PCDH15: variants seen among roughly 807,000 people sequenced by gnomAD.
PCDH15 encodes protocadherin related 15.
Under a neutral mutation model 178.5 loss-of-function variants are expected in PCDH15, and 129 were observed. The ratio of observed to expected loss-of-function variants is 0.72; its 90% CI spans 0.63 to 0.84. The LOEUF (loss-of-function observed/expected upper bound fraction) is 0.84, where lower values mean the gene tolerates loss of function less well. Among genes scored for constraint, PCDH15 ranks in the 40% least tolerant of loss-of-function variants. The probability of loss-of-function intolerance (pLI) is 0.00; values close to 1 mark genes in which losing one functional copy is unlikely to be tolerated. For synonymous variants in PCDH15, 800 were observed against 732.0 expected, an observed-to-expected ratio of 1.09 and a Z score of -1.50; for missense variants, 2,230 against 2,099.9, an observed-to-expected ratio of 1.06 and a Z score of -1.21.
chr10:53,906,290 A>G (rs926024353), intron 25 of PCDH15, among the ~76,000 whole-genome samples: 2 of 151,954 alleles, frequency 1.3e-5, no homozygotes, highest in African/African-American at 4.8e-5. Flanking sequence ...AACTTTAGGC[A>G]GTTGTTATGT....
intron 8 of PCDH15, among the ~76,000 whole-genome samples, chr10:54,263,935 A>G (rs999355142): frequency 6.6e-6 from 1 of 152,114 alleles, no homozygotes; most frequent in Admixed American, 6.5e-5. Flanking sequence ...CAGGCAGGAG[A>G]AGACAGAAGA....
chr10:55,584,531 C>T (rs1345462405), intron 2 of PCDH15, among the ~76,000 whole-genome samples: 1 of 151,482 alleles, frequency 6.6e-6, no homozygotes, highest in Non-Finnish European at 1.5e-5. Flanking sequence ...GTGGTGGGTG[C>T]CTGTAGTCCC....
At chr10:54,736,688 CCTT>C (rs527652963) in intron 1 of PCDH15, among the ~76,000 whole-genome samples, 130 of 152,022 alleles carry the variant, frequency 8.6e-4, no homozygotes, top group African/African-American at 3.0e-3. Flanking sequence ...TCTGAATATA[CCTT>C]CTTCTACTAG....
At position 54,219,592 on chromosome 10, in the gene PCDH15, C is replaced by CAAA. The variant is rs763785938; in HGVS notation, c.986-5547_986-5545dup. ...TGGGTAACAGAACAAGACTCCATCTCAAAAAAAAAAAAAAAAAAAAAAAAG... is the reference window on the plus strand; with the variant it reads ...TGGGTAACAGAACAAGACTCCATCTCAAAAAAAAAAAAAAAAAAAAAAAAAAAG... On this transcript the variant is annotated intron_variant, in intron 9 of 37. Coordinates refer to ENST00000644397, the MANE Select transcript of PCDH15 (RefSeq NM_001384140.1). 3.4e-3 allele frequency among the ~76,000 whole-genome samples: 110 copies of CAAA among 32,308 alleles called. 2 individuals are homozygous for CAAA. In the East Asian group the frequency reaches 0.038, roughly 11 times the overall value. 21.2% of individuals were successfully genotyped at this position (32,308 alleles called of 152,430 possible). A position where few individuals can be genotyped will look rare whatever the true frequency, so the allele number is the denominator to read the frequency against.
chr10:54,299,235 A>C, intron 8 of PCDH15, among the ~76,000 whole-genome samples: 1 of 151,986 alleles, frequency 6.6e-6, no homozygotes, highest in South Asian at 2.1e-4. Flanking sequence ...GAGACAAAGA[A>C]GAAGTCAAAG....
Position 55,375,056 on chromosome 10 carries a change from T to C in PCDH15, c.-155-208405A>G, listed in dbSNP as rs147618137. Among the ~76,000 whole-genome samples the C allele has an allele frequency of 3.7e-3, 567 of 152,262 alleles. 4 individuals are homozygous for C. Among genetic ancestry groups the C allele is most frequent in the African/African-American group, 0.011 (472 of 41,572 alleles). The stretch of plus-strand genomic sequence containing the variant: ...TTGTTACACAGCTGCTTCCAGTTCC[T>C]CACCACATATATGTTGTGTTAGCTA... On this transcript the variant is annotated intron_variant, in intron 2 of 5. Transcript: ENST00000613346.
rs556428816 is a variant in PCDH15 at position 54,596,474 on chromosome 10, G to A, written c.91+67698C>T. ...GCTTCTGGAAGCATTAATATGGATG[G>A]GAAAGACCATAACCAGCAACCACAC... On this transcript the variant is annotated intron_variant, in intron 2 of 37. Transcript: ENST00000644397. 2.0e-5 allele frequency among the ~76,000 whole-genome samples: 3 copies of A among 152,176 alleles called. No homozygotes were observed. In the East Asian group the frequency reaches 5.8e-4, roughly 29 times the overall value.
chr10:54,278,184 T>C (rs1054660312), intron 8 of PCDH15, among the ~76,000 whole-genome samples: 3 of 151,556 alleles, frequency 2.0e-5, no homozygotes, highest in Non-Finnish European at 4.4e-5. Context: ...GTCCCCACAA[T>C]AGGTCGATGT....
intron 21 of PCDH15, among the ~76,000 whole-genome samples, chr10:53,971,375 T>C (rs553084190): frequency 1.1e-4 from 17 of 152,198 alleles, no homozygotes; most frequent in Middle Eastern, 3.4e-3. Flanking sequence ...TGAAAACTGG[T>C]ACAAGACAGG....
At chr10:54,661,146 T>C (rs1305912492) in intron 2 of PCDH15, among the ~76,000 whole-genome samples, 1 of 152,036 alleles carries the variant, frequency 6.6e-6, no homozygotes, top group African/African-American at 2.4e-5. Flanking sequence ...CTAGACAACC[T>C]TGATATTTCC....
chr10:54,998,714 C>T (rs963493548), intron 2 of PCDH15, among the ~76,000 whole-genome samples: 2 of 152,112 alleles, frequency 1.3e-5, no homozygotes, highest in African/African-American at 4.8e-5. Context: ...CCTAATTTCA[C>T]ATAAATGCTT....
At chr10:53,900,901 A>C (rs2082293280) in intron 26 of PCDH15, among the ~76,000 whole-genome samples, 1 of 152,180 alleles carries the variant, frequency 6.6e-6, no homozygotes, top group Non-Finnish European at 1.5e-5. Flanking sequence ...GGACTAGTTT[A>C]ACATTTGGCT....
intron 1 of PCDH15, among the ~76,000 whole-genome samples, chr10:55,214,562 T>G (rs1041741782): frequency 2.0e-5 from 3 of 151,996 alleles, no homozygotes; most frequent in Non-Finnish European, 4.4e-5. Context: ...TATTCTTTTT[T>G]TTTTGTGGGA....
chr10:54,434,770 T>C (rs2075271453), intron 3 of PCDH15, among the ~76,000 whole-genome samples: 1 of 152,212 alleles, frequency 6.6e-6, no homozygotes, highest in African/African-American at 2.4e-5. Context: ...AATTGGATGA[T>C]GAATTAGTAA....
intron 4 of PCDH15, among the ~76,000 whole-genome samples, chr10:54,373,975 G>C (rs990428992): frequency 4.6e-5 from 7 of 151,950 alleles, no homozygotes; most frequent in African/African-American, 1.7e-4. Flanking sequence ...TTAGTTTGTA[G>C]TTCATACATT....
intron 2 of PCDH15, among the ~76,000 whole-genome samples, chr10:54,535,192 TTTAAAACAACATTGTC>T (rs1257095509): frequency 2.0e-5 from 3 of 152,236 alleles, no homozygotes; most frequent in Non-Finnish European, 4.4e-5. Context: ...TGATGAAGAC[TTTAAAACAACATTGTC>T]TAGTAATATC....
chr10:55,380,293 G>C (rs1206861721), intron 2 of PCDH15, among the ~76,000 whole-genome samples: 3 of 152,052 alleles, frequency 2.0e-5, no homozygotes, highest in Non-Finnish European at 4.4e-5. Flanking sequence ...TGAAAACATT[G>C]GTTTTTAAGT....
intron 2 of PCDH15, among the ~76,000 whole-genome samples, chr10:55,591,557 A>G (rs1350731227): frequency 2.6e-5 from 4 of 152,166 alleles, no homozygotes; most frequent in Admixed American, 2.6e-4. Flanking sequence ...CAATAATTAA[A>G]CATAATTAAT....
At chr10:54,608,016 C>T (rs767653877) in intron 2 of PCDH15, 4 of 456,950 alleles carry the variant, frequency 8.8e-6, no homozygotes, top group Non-Finnish European at 1.7e-5. Context: ...AGAAGACTTG[C>T]ACACATAAGG....
Sources: gnomAD v4.1 joint callset for allele counts (sites outside exome capture counted in the v4.1 genomes callset) on GRCh38, gnomAD v4.1.1 for gene constraint, MANE v1.5 for transcripts, NCBI Gene and HGNC (gene_info 2026-07-23, HGNC 2026-07-21) for gene names.